Variants in BAZ2B observed in about 807,000 individuals in gnomAD.
The protein encoded by BAZ2B is bromodomain adjacent to zinc finger domain 2B.
In BAZ2B, 91 loss-of-function variants were observed where a neutral mutation model predicts 246.0. That is an observed-to-expected ratio of 0.37 (90% CI 0.31 to 0.44). BAZ2B has a LOEUF of 0.44. Ranked by LOEUF, BAZ2B falls within the 20% of genes least tolerant of loss-of-function variation. The pLI is 1.00. For synonymous variants in BAZ2B, 855 were observed against 860.0 expected (o/e 0.99, Z 0.10); for missense variants, 2,332 against 2,533.7 (o/e 0.92, Z 1.71).
At chr2:159,393,206 G>A (rs2063558632) in intron 20 of BAZ2B, among the ~76,000 whole-genome samples, 1 of 152,106 alleles carries the variant, frequency 6.6e-6, no homozygotes, top group Non-Finnish European at 1.5e-5. Flanking sequence ...CCATGGTGAG[G>A]AGTCTGAATT....
At chr2:159,519,457 C>T (rs2083870741) in intron 2 of BAZ2B, among the ~76,000 whole-genome samples, 1 of 149,182 alleles carries the variant, frequency 6.7e-6, no homozygotes, top group Admixed American at 6.7e-5. Flanking sequence ...GTCTCGATCT[C>T]CTGACCTCAT....
At chr2:159,318,180 T>C (rs1001858914), downstream of BAZ2B, among the ~76,000 whole-genome samples, 3 of 152,140 alleles carry the variant, frequency 2.0e-5, no homozygotes, top group African/African-American at 7.2e-5. Flanking sequence ...AAAATCATCA[T>C]GAAGAATCCC....
chr2:159,556,940 T>A (rs969188598), intron 1 of BAZ2B, among the ~76,000 whole-genome samples: 63 of 152,224 alleles, frequency 4.1e-4, no homozygotes, highest in African/African-American at 1.3e-3. Context: ...TATTATAGAC[T>A]CCAGGAAAAC....
At chr2:159,503,269 C>A (rs1040404029) in intron 2 of BAZ2B, among the ~76,000 whole-genome samples, 1 of 152,142 alleles carries the variant, frequency 6.6e-6, no homozygotes, top group Non-Finnish European at 1.5e-5. Flanking sequence ...TCCTTTTCCA[C>A]TCTCTACTCA....
chr2:159,432,662 T>C (rs74713076), intron 9 of BAZ2B, 95 bp downstream of exon 9: 18,459 of 1,464,530 alleles, frequency 0.013, 733 homozygotes, highest in East Asian at 0.11. Flanking sequence ...ACATAGTAAA[T>C]GACGCTGATT....
chr2:159,339,241 C>T (rs1429768095), intron 31 of BAZ2B, among the ~76,000 whole-genome samples: 2 of 152,078 alleles, frequency 1.3e-5, no homozygotes, highest in African/African-American at 2.4e-5. Flanking sequence ...CTCAGAAAAC[C>T]CAAAATAAAT....
chr2:159,450,385 A>G lies in BAZ2B; in HGVS notation c.335-1976T>C, dbSNP rs1330672362. 2.0e-5 allele frequency among the ~76,000 whole-genome samples: 3 copies of G among 152,116 alleles called. No homozygotes were observed. In the East Asian group the frequency reaches 5.8e-4, roughly 29 times the overall value. ...GAGTGAAACTCTCTCAAAGAAAAAAAAAAAAAAAGTAAAGAAGCACACAGT... is the reference window on the plus strand; with the variant it reads ...GAGTGAAACTCTCTCAAAGAAAAAAGAAAAAAAAGTAAAGAAGCACACAGT... On this transcript the variant is annotated intron_variant, in intron 4 of 36. Coordinates refer to ENST00000392783, the MANE Select transcript of BAZ2B (RefSeq NM_013450.4).
chr2:159,488,504 T>A (rs186214214), intron 2 of BAZ2B, among the ~76,000 whole-genome samples: 2 of 152,252 alleles, frequency 1.3e-5, no homozygotes, highest in East Asian at 3.9e-4. Context: ...ATATATGCCA[T>A]GTACCCACAA....
chr2:159,477,123 G>A (rs776800881), intron 3 of BAZ2B, among the ~76,000 whole-genome samples: 15 of 152,114 alleles, frequency 9.9e-5, no homozygotes, highest in Non-Finnish European at 2.2e-4. Context: ...GGCTAACACG[G>A]TGAAACCCCG....
At chr2:159,583,340 C>G (rs1296296460) in intron 1 of BAZ2B, among the ~76,000 whole-genome samples, 2 of 152,138 alleles carry the variant, frequency 1.3e-5, no homozygotes, top group African/African-American at 2.4e-5. Context: ...ATCTAGAGCT[C>G]CTGAGCTCAG....
At chr2:159,526,028 A>C (rs1457472069) in intron 2 of BAZ2B, among the ~76,000 whole-genome samples, 1 of 152,196 alleles carries the variant, frequency 6.6e-6, no homozygotes, top group Admixed American at 6.5e-5. Context: ...GAGGTTTTGT[A>C]CTAAGGTGTG....
At chr2:159,441,585 T>C (rs1252605198) in intron 6 of BAZ2B, among the ~76,000 whole-genome samples, 1 of 152,202 alleles carries the variant, frequency 6.6e-6, no homozygotes, top group African/African-American at 2.4e-5. Context: ...TTTCCACAAA[T>C]AATTAGCTAG....
the BAZ2B span, among the ~76,000 whole-genome samples, chr2:159,683,988 C>T: frequency 6.6e-6 from 1 of 152,194 alleles, no homozygotes; most frequent in East Asian, 1.9e-4. Context: ...ACCCCTCTGT[C>T]CTCCAGCTGC....
In BAZ2B at chr2:159,350,124, C is replaced by G. The variant is rs768293480; in HGVS notation, c.4447G>C (p.Glu1483Gln). 3 of 1,614,080 alleles carry G rather than the reference C, an allele frequency of 1.9e-6. No homozygotes were observed. The East Asian group carries it at 6.7e-5, about 36-fold the overall frequency. The change falls in exon 28 of 37, where the codon GAG becomes CAG. Residue 1483 changes from glutamate to glutamine, a missense_variant. Glu to Gln is a conservative substitution (Grantham distance 29, BLOSUM62 2). Coordinates refer to ENST00000392783, the MANE Select transcript of BAZ2B (RefSeq NM_013450.4). Reference sequence around the variant, plus strand: ...GCATTTGGTTTGGGGGTCATAACCTCTGACTCAGGAGGCATCTTAGCTACT... The same window carrying G: ...GCATTTGGTTTGGGGGTCATAACCTGTGACTCAGGAGGCATCTTAGCTACT... The part of the protein sequence containing the change: ...LEVAKMPPES[E>Q]VMTPKPNAGA...
intron 2 of BAZ2B, among the ~76,000 whole-genome samples, chr2:159,497,796 T>TAGA (rs2081319829): frequency 6.6e-6 from 1 of 152,238 alleles, no homozygotes. Context: ...CGAAAGAGCC[T>TAGA]AGTAGAAAAC....
chr2:159,479,526 A>T (rs1008582450), intron 2 of BAZ2B, among the ~76,000 whole-genome samples: 1 of 152,208 alleles, frequency 6.6e-6, no homozygotes, highest in Non-Finnish European at 1.5e-5. Context: ...ATAAGAAAAA[A>T]GATACTGCTT....
intron 2 of BAZ2B, among the ~76,000 whole-genome samples, chr2:159,552,100 G>A (rs1339814577): frequency 6.6e-6 from 1 of 152,080 alleles, no homozygotes; most frequent in Non-Finnish European, 1.5e-5. Context: ...CTAGACCTTG[G>A]TTTTCTCGCC....
the BAZ2B span, among the ~76,000 whole-genome samples, chr2:159,637,775 T>A: frequency 6.6e-6 from 1 of 152,166 alleles, no homozygotes; most frequent in African/African-American, 2.4e-5. Flanking sequence ...TTGACTACAC[T>A]GGTCTCGAAC....
chr2:159,497,922 C>T (rs12991679), intron 2 of BAZ2B, among the ~76,000 whole-genome samples: 9 of 152,088 alleles, frequency 5.9e-5, no homozygotes, highest in Non-Finnish European at 8.8e-5. Flanking sequence ...TTTAAATATA[C>T]GCCCTAGTGT....
Sources: allele counts gnomAD v4.1 joint callset (sites outside exome capture counted in the v4.1 genomes callset), GRCh38; gene constraint gnomAD v4.1.1; transcripts MANE v1.5; gene names NCBI Gene and HGNC (gene_info 2026-07-23, HGNC 2026-07-21).